TAFA5: variants seen among roughly 807,000 people sequenced by gnomAD.
The protein encoded by TAFA5 is TAFA chemokine like family member 5, also known as chemokine-like protein TAFA-5.
A neutral mutation model predicts 15.3 loss-of-function variants in TAFA5; 6 were observed. That is an observed-to-expected ratio of 0.39 (90% CI 0.21 to 0.77). The LOEUF (loss-of-function observed/expected upper bound fraction) is 0.77, where lower values mean the gene tolerates loss of function less well. Among genes scored for constraint, TAFA5 ranks in the 30% least tolerant of loss-of-function variants. The pLI is 0.41. For missense variants in TAFA5, 161 were observed against 193.1 expected (o/e 0.83, Z 0.98); for synonymous variants, 103 against 80.7 (o/e 1.28, Z -1.48).
rs1172055194 is a variant in TAFA5, at chr22:48,530,224, G to A, written c.112+40520G>A. On this transcript the variant is annotated intron_variant, in intron 1 of 3. Transcript: ENST00000402357. The surrounding 1 kb of genome is among the most constrained non-coding windows in gnomAD (Gnocchi z 6.0). ...TGCATGCATGAGAACTTGAGTGTAA[G>A]TCTCCTCTGCTCCCCTCCTGTGACA... Among the ~76,000 whole-genome samples, 2 of 152,158 alleles carry A rather than the reference G, an allele frequency of 1.3e-5. No homozygotes were observed. The highest frequency in any genetic ancestry group is 4.8e-5 in the African/African-American group (2 of 41,418).
rs921526794 is a variant in TAFA5, at chr22:48,742,513, G to A, written c.391-7326G>A. 2.0e-5 allele frequency among the ~76,000 whole-genome samples: 3 copies of A among 151,842 alleles called. No homozygotes were observed. The highest frequency in any genetic ancestry group is 6.6e-5 in the Admixed American group (1 of 15,262). On this transcript the variant is annotated intron_variant, in intron 3 of 3. Transcript: ENST00000402357. The surrounding 1 kb of genome is among the most constrained non-coding windows in gnomAD (Gnocchi z 6.2). ...CGGGCGTTGTGGTGGACCCGGTGGC[G>A]TGGCAGACCAGGCGACGTGGTGGAC...
At chr22:48,740,433 T>C (rs1162053813) in intron 3 of TAFA5, among the ~76,000 whole-genome samples, 1 of 152,216 alleles carries the variant, frequency 6.6e-6, no homozygotes, top group Non-Finnish European at 1.5e-5. Flanking sequence ...CTTCACTCTC[T>C]GGTTGCAAGG....
chr22:48,560,059 C>G lies in TAFA5; in HGVS notation c.112+70355C>G, dbSNP rs950113038. 6.6e-6 allele frequency among the ~76,000 whole-genome samples: 1 copy of G among 152,190 alleles called. No homozygotes were observed. The highest frequency in any genetic ancestry group is 2.4e-5 in the African/African-American group (1 of 41,454). ...TATGCACACGCCGGCCATCCTCCAT[C>G]AGGCAGCTGCCCTGGCCACCGATGC... On this transcript the variant is annotated intron_variant, in intron 1 of 3. Transcript: ENST00000402357. The surrounding 1 kb of genome is among the most constrained non-coding windows in gnomAD (Gnocchi z 4.2).
intron 1 of TAFA5, among the ~76,000 whole-genome samples, chr22:48,579,798 G>C (rs1341379001): frequency 6.6e-6 from 1 of 152,196 alleles, no homozygotes; most frequent in Non-Finnish European, 1.5e-5. Flanking sequence ...GGCAAGCCTG[G>C]GCCACCCAGG....
At chr22:48,588,132 T>C (rs2043465772) in intron 1 of TAFA5, among the ~76,000 whole-genome samples, 1 of 152,150 alleles carries the variant, frequency 6.6e-6, no homozygotes, top group Non-Finnish European at 1.5e-5. Context: ...GGGTCAGCAT[T>C]GGCCTTGAAG....
intron 1 of TAFA5, among the ~76,000 whole-genome samples, chr22:48,610,661 G>A (rs1302047954): frequency 6.6e-6 from 1 of 152,152 alleles, no homozygotes; most frequent in African/African-American, 2.4e-5. Flanking sequence ...GTGTTGAGCT[G>A]TCAGCGTTGG....
Position 48,531,443 on chromosome 22 carries a change from G to C in TAFA5, c.112+41739G>C, listed in dbSNP as rs529823599. ...CCTCTGCAGGTGGCTCCTGACACCCGCCCCGGTGCCCTGTGGCCTGGGATC... is the reference window on the plus strand; with the variant it reads ...CCTCTGCAGGTGGCTCCTGACACCCCCCCCGGTGCCCTGTGGCCTGGGATC... On this transcript the variant is annotated intron_variant, in intron 1 of 3. Transcript: ENST00000402357. Among the ~76,000 whole-genome samples the C allele has an allele frequency of 2.0e-4, 30 of 152,276 alleles. 1 individual carries two copies. The highest frequency in any genetic ancestry group is 7.0e-4 in the African/African-American group (29 of 41,562).
intron 1 of TAFA5, among the ~76,000 whole-genome samples, chr22:48,551,158 C>G (rs911509777): frequency 1.3e-5 from 2 of 152,046 alleles, no homozygotes; most frequent in Non-Finnish European, 2.9e-5. Flanking sequence ...AATGTGGCCT[C>G]TGACAGCACA....
At chr22:48,542,649 T>TGGTGTGTGTGTGG in intron 1 of TAFA5, among the ~76,000 whole-genome samples, 1 of 105,788 alleles carries the variant, frequency 9.5e-6, no homozygotes, top group East Asian at 2.7e-4. Flanking sequence ...TGTGTGTGTG[T>TGGTGTGTGTGTGG]GGTGTGTGTG....
At chr22:48,666,008 G>A (rs1927596616) in intron 2 of TAFA5, among the ~76,000 whole-genome samples, 1 of 142,660 alleles carries the variant, frequency 7.0e-6, no homozygotes, top group Admixed American at 7.0e-5. Context: ...ATGGGAACGA[G>A]GGGCCTGGCC....
At chr22:48,517,781 C>T (rs558847610) in intron 1 of TAFA5, among the ~76,000 whole-genome samples, 1 of 152,250 alleles carries the variant, frequency 6.6e-6, no homozygotes, top group South Asian at 2.1e-4. Context: ...GCCACCTCTG[C>T]CGTGCCGTCT....
At chr22:48,638,243 C>G (rs1477208301) in intron 1 of TAFA5, among the ~76,000 whole-genome samples, 1 of 151,738 alleles carries the variant, frequency 6.6e-6, no homozygotes, top group Non-Finnish European at 1.5e-5. Context: ...AGACCCCCGA[C>G]ACTAAGCCCT....
chr22:48,684,959 C>T (rs1035286385), intron 2 of TAFA5, among the ~76,000 whole-genome samples: 3 of 152,290 alleles, frequency 2.0e-5, no homozygotes, highest in East Asian at 1.9e-4. Context: ...TGACCATGGC[C>T]TTGGGTGATA....
intron 2 of TAFA5, among the ~76,000 whole-genome samples, chr22:48,666,443 A>G (rs190288719): frequency 1.5e-4 from 8 of 53,890 alleles, no homozygotes; most frequent in Admixed American, 8.6e-4. Context: ...GGACACCATC[A>G]CTGGACTCTC....
intron 2 of TAFA5, among the ~76,000 whole-genome samples, chr22:48,681,708 A>C (rs1228919465): frequency 1.3e-5 from 2 of 152,016 alleles, no homozygotes; most frequent in Non-Finnish European, 2.9e-5. Flanking sequence ...AGTTTCCAAG[A>C]GAGGCGCTTT....
chr22:48,509,464 C>T (rs1426968654), intron 1 of TAFA5, among the ~76,000 whole-genome samples: 4 of 152,092 alleles, frequency 2.6e-5, no homozygotes, highest in Non-Finnish European at 2.9e-5. Flanking sequence ...TGAATCCTTG[C>T]CAGCATTTGT....
At chr22:48,727,525 A>G (rs1929748901) in intron 3 of TAFA5, among the ~76,000 whole-genome samples, 1 of 152,242 alleles carries the variant, frequency 6.6e-6, no homozygotes, top group Admixed American at 6.5e-5. Context: ...TTGTGCATGT[A>G]TGTAAAGACA....
intron 1 of TAFA5, among the ~76,000 whole-genome samples, chr22:48,614,875 G>A (rs569748296): frequency 3.9e-4 from 60 of 152,254 alleles, no homozygotes; most frequent in African/African-American, 1.1e-3. Flanking sequence ...AGCTGGAGCC[G>A]GCCCTGGAGA....
chr22:48,708,760 G>C (rs532052262), intron 3 of TAFA5, among the ~76,000 whole-genome samples: 1 of 152,342 alleles, frequency 6.6e-6, no homozygotes, highest in Admixed American at 6.5e-5. Context: ...TGGCTGGGCA[G>C]AAGGATCTGG....
Sources: allele counts gnomAD v4.1 joint callset (sites outside exome capture counted in the v4.1 genomes callset), GRCh38; gene constraint gnomAD v4.1.1; non-coding constraint Gnocchi (gnomAD v3.1); transcripts MANE v1.5; gene names NCBI Gene and HGNC (gene_info 2026-07-23, HGNC 2026-07-21).